Variants in PTGER3 observed in about 807,000 individuals in gnomAD.
The protein encoded by PTGER3 is prostaglandin E receptor 3.
PTGER3 carries 22 observed loss-of-function variants against 34.7 expected under a neutral mutation model. That is an observed-to-expected ratio of 0.63 (90% confidence interval 0.45 to 0.91). PTGER3 has a LOEUF of 0.91. Ranked by LOEUF, PTGER3 falls within the 40% of genes least tolerant of loss-of-function variation. PTGER3 has a pLI of 0.00. For missense variants in PTGER3, 468 were observed against 519.4 expected, an observed-to-expected ratio of 0.90 and a Z score of 0.96; for synonymous variants, 241 against 230.1, an observed-to-expected ratio of 1.05 and a Z score of -0.43.
intron 4 of PTGER3, among the ~76,000 whole-genome samples, chr1:70,941,106 TTAAA>T (rs1488793294): frequency 6.6e-6 from 1 of 152,218 alleles, no homozygotes; most frequent in East Asian, 1.9e-4. Context: ...GGGTTATTAA[TTAAA>T]TGTCTACTTC....
intron 1 of PTGER3, among the ~76,000 whole-genome samples, chr1:71,045,089 A>G (rs1216277853): frequency 1.3e-5 from 2 of 152,184 alleles, no homozygotes; most frequent in African/African-American, 4.8e-5. Context: ...CCTGAGTTCC[A>G]ACTCCTGGAA....
chr1:71,008,145 A>G (rs1196681925), intron 2 of PTGER3: 2 of 971,624 alleles, frequency 2.1e-6, no homozygotes, highest in East Asian at 2.3e-4. Context: ...GGATAAGCAC[A>G]GTAGAGTCAA....
intron 4 of PTGER3, among the ~76,000 whole-genome samples, chr1:70,867,528 C>G (rs1403748643): frequency 6.6e-6 from 1 of 152,250 alleles, no homozygotes; most frequent in East Asian, 1.9e-4. Flanking sequence ...CGAGACCAGC[C>G]TGGCCAACAT....
chr1:70,963,634 G>A (rs12078662), intron 2 of PTGER3, among the ~76,000 whole-genome samples: 37 of 152,304 alleles, frequency 2.4e-4, no homozygotes, highest in African/African-American at 7.2e-4. Flanking sequence ...TGGAGCAGCT[G>A]CAGGGTGCCA....
At chr1:70,876,400 C>T (rs1557622404) in intron 4 of PTGER3, among the ~76,000 whole-genome samples, 1 of 150,414 alleles carries the variant, frequency 6.6e-6, no homozygotes, top group Non-Finnish European at 1.5e-5. Context: ...TCTGTTTAGT[C>T]AATTGATAGT....
At chr1:70,852,731 A>G in exon 5 of PTGER3, 1 of 1,340,326 alleles carries the variant, frequency 7.5e-7, no homozygotes, top group South Asian at 1.2e-5. Context: ...TGGGGGAAGA[A>G]GTAAAAGAGA....
chr1:70,954,843 T>TA (rs35648522), intron 2 of PTGER3, among the ~76,000 whole-genome samples: 49,774 of 151,480 alleles, frequency 0.33, 8,941 homozygotes, highest in South Asian at 0.44. Flanking sequence ...ACATGACCGT[T>TA]AAAAAAAAGA....
intron 4 of PTGER3, among the ~76,000 whole-genome samples, chr1:70,923,736 A>C: frequency 6.6e-6 from 1 of 152,212 alleles, no homozygotes; most frequent in East Asian, 1.9e-4. Context: ...CAATAGAGTA[A>C]AGTATACTCC....
chr1:70,926,262 A>G (rs1648074642), intron 4 of PTGER3, among the ~76,000 whole-genome samples: 2 of 152,142 alleles, frequency 1.3e-5, no homozygotes, highest in African/African-American at 2.4e-5. Flanking sequence ...TCTATAAATT[A>G]CCTTGGGCAG....
chr1:70,868,492 T>C (rs1400272415), intron 4 of PTGER3, among the ~76,000 whole-genome samples: 1 of 152,174 alleles, frequency 6.6e-6, no homozygotes, highest in Non-Finnish European at 1.5e-5. Context: ...CACAAAGTAA[T>C]GTACAAATAG....
At chr1:70,943,735 T>C (rs1572714515) in intron 4 of PTGER3, among the ~76,000 whole-genome samples, 1 of 152,018 alleles carries the variant, frequency 6.6e-6, no homozygotes, top group Non-Finnish European at 1.5e-5. Flanking sequence ...TTTGATCTCT[T>C]CTGAGTGGCT....
chr1:71,002,133 C>T (rs1266544228), intron 2 of PTGER3: 1 of 152,038 alleles, frequency 6.6e-6, no homozygotes, highest in Non-Finnish European at 1.5e-5. Context: ...TGAGGTGTCG[C>T]ATGCCTGTAG....
chr1:71,011,864 T>C, intron 2 of PTGER3: 1 of 1,033,762 alleles, frequency 9.7e-7, no homozygotes, highest in Non-Finnish European at 1.2e-6. Flanking sequence ...CAATGATGTA[T>C]GTGGTTAAAT....
In PTGER3 at chr1:70,970,829, A is replaced by G. The variant is rs997348593; in HGVS notation, c.*901T>C. 2 of 905,260 alleles carry G rather than the reference A, an allele frequency of 2.2e-6. No homozygotes were observed. The highest frequency in any genetic ancestry group is 6.2e-5 in the Admixed American group (1 of 16,190). 56.1% of individuals were successfully genotyped at this position (905,260 alleles called of 1,614,324 possible). On this transcript the variant is annotated 3_prime_UTR_variant, in exon 4 of 4. Transcript: ENST00000306666. ...TTTTATTTTAATACAGACAAAATAGATTCTTTTATTTTATAAAAACGTAAT... is the reference window on the plus strand; with the variant it reads ...TTTTATTTTAATACAGACAAAATAGGTTCTTTTATTTTATAAAAACGTAAT...
rs555263426 is a variant in PTGER3, at chr1:70,930,587, A to AG, written c.*23+23175dup. Among the ~76,000 whole-genome samples, 491 of 152,226 alleles carry AG rather than the reference A, an allele frequency of 3.2e-3. 6 individuals are homozygous for AG. Among genetic ancestry groups the AG allele is most frequent in the African/African-American group, 0.011 (456 of 41,520 alleles). On this transcript the variant is annotated intron_variant, in intron 4 of 4. Transcript: ENST00000370931. ...ATTGGACTTACAGTTTCACATGGCT[A>AG]GGGGGGCCTCAGAATCACAATGGGA...
In PTGER3 at chr1:71,047,671, G is replaced by T. The variant is rs1660989876; in HGVS notation, c.-94C>A. The T allele has an allele frequency of 7.2e-7, 1 of 1,390,842 alleles. No homozygotes were observed. Among genetic ancestry groups the T allele is most frequent in the African/African-American group, 1.5e-5 (1 of 68,082 alleles). 86.2% of individuals were successfully genotyped at this position (1,390,842 alleles called of 1,614,324 possible). On this transcript the variant is annotated 5_prime_UTR_variant, in exon 1 of 4. Coordinates refer to ENST00000306666, the MANE Select transcript of PTGER3 (RefSeq NM_198719.2). ...GCGGCGGCGGAGGTCGGCGTTTACC[G>T]CGGCTGGGGCTGGGCTGCCCCCCAT...
intron 4 of PTGER3, among the ~76,000 whole-genome samples, chr1:70,927,153 T>G (rs200408950): frequency 9.9e-5 from 15 of 152,262 alleles, no homozygotes; most frequent in African/African-American, 2.9e-4. Flanking sequence ...TTTTTTGGTT[T>G]TGTCTCTGCC....
In PTGER3 at chr1:70,980,502, G is replaced by A. The variant is rs1406525529; in HGVS notation, c.1078-6114C>T. ...AGGATTAATGCAGGCTGCCCATTATGTCTGTAATCCCAGTGCTTTGGGAGA... is the reference window on the plus strand; with the variant it reads ...AGGATTAATGCAGGCTGCCCATTATATCTGTAATCCCAGTGCTTTGGGAGA... On this transcript the variant is annotated intron_variant, in intron 2 of 3. Transcript: ENST00000306666. 3.3e-5 allele frequency among the ~76,000 whole-genome samples: 5 copies of A among 152,004 alleles called. No homozygotes were observed. The East Asian group carries it at 9.7e-4, about 29-fold the overall frequency.
intron 1 of PTGER3, among the ~76,000 whole-genome samples, chr1:71,035,993 T>A (rs764516150): frequency 8.5e-5 from 13 of 152,236 alleles, no homozygotes; most frequent in Admixed American, 1.3e-4. Flanking sequence ...CTTGCCTTCA[T>A]AAAGTGCTCG....
Sources: gnomAD v4.1 joint callset for allele counts (sites outside exome capture counted in the v4.1 genomes callset) on GRCh38, gnomAD v4.1.1 for gene constraint, MANE v1.5 for transcripts, NCBI Gene and HGNC (gene_info 2026-07-23, HGNC 2026-07-21) for gene names.